The following GABRB2 variants were observed in gnomAD, a reference collection of about 807,000 sequenced individuals.
The protein encoded by GABRB2 is gamma-aminobutyric acid receptor subunit beta-2.
In GABRB2, 16 loss-of-function variants were observed where a neutral mutation model predicts 54.7. The ratio of observed to expected loss-of-function variants is 0.29; its 90% CI spans 0.20 to 0.44. The LOEUF (loss-of-function observed/expected upper bound fraction) is 0.44. GABRB2 is among the 20% of genes least tolerant of loss of function. The pLI is 1.00. For synonymous variants in GABRB2, 244 were observed against 233.8 expected (o/e 1.04, Z -0.40); for missense variants, 355 against 644.0 (o/e 0.55, Z 4.86).
intron 9 of GABRB2, among the ~76,000 whole-genome samples, chr5:161,299,730 T>A (rs1757482649): frequency 6.6e-6 from 1 of 152,174 alleles, no homozygotes; most frequent in Admixed American, 6.5e-5. Flanking sequence ...TACTTTGTTT[T>A]TCTGTTATTT....
chr5:161,409,361 TATC>T (rs149435353), intron 5 of GABRB2, among the ~76,000 whole-genome samples: 3,359 of 152,190 alleles, frequency 0.022, 58 homozygotes, highest in Non-Finnish European at 0.034. Flanking sequence ...CCTAAAGAAT[TATC>T]ATGTTAATTT....
At chr5:161,515,510 A>T (rs1581050294) in intron 3 of GABRB2, among the ~76,000 whole-genome samples, 1 of 152,140 alleles carries the variant, frequency 6.6e-6, no homozygotes, top group Admixed American at 6.6e-5. Flanking sequence ...TAAAAAGAAA[A>T]AAAAAGGATG....
intron 9 of GABRB2, among the ~76,000 whole-genome samples, chr5:161,317,099 G>A (rs1362704409): frequency 3.9e-5 from 6 of 151,926 alleles, no homozygotes; most frequent in South Asian, 4.1e-4. Context: ...AAATGACAAC[G>A]TAATGAAAAG....
At chr5:161,459,926 G>A (rs1758068489) in intron 3 of GABRB2, 82 bp from the exon 4 acceptor site, 1 of 709,324 alleles carries the variant, frequency 1.4e-6, no homozygotes, top group East Asian at 2.8e-5. Context: ...GTATTAATAA[G>A]AAAATGAATT....
chr5:161,377,195 G>A (rs748009159), intron 5 of GABRB2, among the ~76,000 whole-genome samples: 2 of 152,072 alleles, frequency 1.3e-5, no homozygotes, highest in Non-Finnish European at 2.9e-5. Flanking sequence ...ATCACTTAAT[G>A]AGTTTTGAGT....
At chr5:161,532,805 C>T (rs1760504897) in intron 3 of GABRB2, among the ~76,000 whole-genome samples, 1 of 152,072 alleles carries the variant, frequency 6.6e-6, no homozygotes, top group Admixed American at 6.6e-5. Flanking sequence ...TCCTGGTTTC[C>T]TGATAAGACA....
At chr5:161,518,502 A>G (rs1210467635) in intron 3 of GABRB2, among the ~76,000 whole-genome samples, 1 of 152,200 alleles carries the variant, frequency 6.6e-6, no homozygotes, top group Non-Finnish European at 1.5e-5. Context: ...GGTTCATAGT[A>G]AAAAATCGCA....
intron 4 of GABRB2, among the ~76,000 whole-genome samples, chr5:161,454,713 T>A (rs1757897970): frequency 6.6e-6 from 1 of 152,108 alleles, no homozygotes; most frequent in Admixed American, 6.6e-5. Flanking sequence ...AATGACTGGG[T>A]AGAAAATATT....
intron 4 of GABRB2, among the ~76,000 whole-genome samples, chr5:161,458,458 T>A (rs1488642966): frequency 6.6e-6 from 1 of 152,198 alleles, no homozygotes; most frequent in Non-Finnish European, 1.5e-5. Context: ...AAATGCCTTT[T>A]TCTCGACAAA....
At chr5:161,302,263 C>T (rs950094708) in intron 9 of GABRB2, among the ~76,000 whole-genome samples, 3 of 152,126 alleles carry the variant, frequency 2.0e-5, no homozygotes, top group African/African-American at 7.2e-5. Context: ...TAACATTTTT[C>T]ATGACAAGAA....
intron 3 of GABRB2, among the ~76,000 whole-genome samples, chr5:161,522,934 T>C (rs1342368613): frequency 1.3e-5 from 2 of 151,598 alleles, no homozygotes; most frequent in Non-Finnish European, 3.0e-5. Flanking sequence ...TAAAATTAAA[T>C]TTGTGTATGT....
At chr5:161,529,127 A>T (rs1260786886) in intron 3 of GABRB2, among the ~76,000 whole-genome samples, 1 of 151,972 alleles carries the variant, frequency 6.6e-6, no homozygotes, top group Non-Finnish European at 1.5e-5. Flanking sequence ...ATGAAAGATG[A>T]TTTACAACAA....
chr5:161,545,874 G>T (rs1309526460), intron 2 of GABRB2, among the ~76,000 whole-genome samples: 2 of 152,120 alleles, frequency 1.3e-5, no homozygotes, highest in African/African-American at 2.4e-5. Context: ...ATGAGCCACT[G>T]TAACCCTGGC....
At position 161,294,410 on chromosome 5, in the gene GABRB2, T is replaced by C. The variant is rs750901071; in HGVS notation, c.1210A>G (p.Ile404Val). ...SLYTMDPHENILLSTLEIKNE... is the reference protein window; with the variant it reads ...SLYTMDPHENVLLSTLEIKNE... ...TTTATCTCGAGAGTGCTCAGTAAGA[T>C]GTTCTCATGGGGGTCCATCTGCAAG... The change falls in exon 10 of 10, where the codon ATC (isoleucine) becomes GTC (valine). Residue 404 changes from isoleucine (I) to valine (V), a missense_variant. By Grantham distance (29) the Ile-to-Val change is conservative (BLOSUM62 3). Around this residue, in one of 6 missense-constraint regions of GABRB2, gnomAD observed 201 missense variants for 228.1 expected, o/e 0.88. Transcript: ENST00000393959. 1.3e-5 allele frequency: 21 copies of C among 1,613,044 alleles called. No individual in the cohort carries two copies. The highest frequency in any genetic ancestry group is 1.7e-5 in the Non-Finnish European group (20 of 1,179,272).
At chr5:161,425,041 A>G (rs766455752) in intron 4 of GABRB2, among the ~76,000 whole-genome samples, 4 of 152,144 alleles carry the variant, frequency 2.6e-5, no homozygotes, top group Non-Finnish European at 2.9e-5. Flanking sequence ...ATGTGACTGA[A>G]TTTATGCAAC....
intron 4 of GABRB2, among the ~76,000 whole-genome samples, chr5:161,417,363 C>G (rs1306795175): frequency 6.6e-6 from 1 of 152,110 alleles, no homozygotes; most frequent in Non-Finnish European, 1.5e-5. Context: ...ATTGTTATTC[C>G]CATTTTATAC....
At chr5:161,545,134 A>C in intron 3 of GABRB2, 93 bp downstream of exon 3, 6 of 870,346 alleles carry the variant, frequency 6.9e-6, no homozygotes, top group East Asian at 3.0e-5. Context: ...ACACATAGCC[A>C]AGCACACCCC....
At chr5:161,449,760 AC>A (rs1203937215) in intron 4 of GABRB2, among the ~76,000 whole-genome samples, 1 of 152,050 alleles carries the variant, frequency 6.6e-6, no homozygotes, top group East Asian at 1.9e-4. Context: ...ATACACCTAT[AC>A]CTATAAATGA....
intron 3 of GABRB2, among the ~76,000 whole-genome samples, chr5:161,488,001 T>A (rs1243885533): frequency 6.6e-6 from 1 of 151,868 alleles, no homozygotes; most frequent in Non-Finnish European, 1.5e-5. Flanking sequence ...TTTGTCCATC[T>A]CTATTAAAAT....
Sources: allele counts gnomAD v4.1 joint callset (sites outside exome capture counted in the v4.1 genomes callset), GRCh38; gene constraint gnomAD v4.1.1; regional missense constraint gnomAD v4.1.1; transcripts MANE v1.5; gene names NCBI Gene and HGNC (gene_info 2026-07-23, HGNC 2026-07-21).